ZNF160: variants seen among roughly 807,000 people sequenced by gnomAD.
ZNF160 encodes the protein zinc finger protein 160.
In ZNF160, 9 loss-of-function variants were observed where a neutral mutation model predicts 13.1. The observed-to-expected ratio is 0.69, with a 90% CI of 0.41 to 1.20. ZNF160 has a LOEUF of 1.20. Among genes scored for constraint, ZNF160 ranks in the 50% most tolerant of loss-of-function variants. The pLI is 0.01. For missense variants in ZNF160, 838 were observed against 988.0 expected (o/e 0.85, Z 2.04); for synonymous variants, 293 against 333.2 (o/e 0.88, Z 1.31).
chr19:53,067,771 C>T lies in ZNF160; in HGVS notation c.*306G>A, dbSNP rs1003476964. 3.5e-6 allele frequency: 1 copy of T among 282,574 alleles called. No homozygotes were observed. The highest frequency in any genetic ancestry group is 2.2e-5 in the African/African-American group (1 of 46,006). The allele number at this position is 282,574 out of a possible 1,614,324, so 17.5% of individuals were successfully genotyped here. A position where few individuals can be genotyped will look rare whatever the true frequency, so the allele number is the denominator to read the frequency against. On this transcript the variant is annotated 3_prime_UTR_variant, in exon 6 of 6. Coordinates refer to ENST00000683776, the MANE Select transcript of ZNF160 (RefSeq NM_001322131.2). ...TAATATCAAAGGCAAACAGGGAAAC[C>T]AGAGACTGTTATTCCTCCTAGGAAT...
intron 3 of ZNF160, chr19:53,075,970 G>GA (rs2084373210): frequency 3.4e-6 from 1 of 291,416 alleles, no homozygotes; most frequent in Non-Finnish European, 7.0e-6. Flanking sequence ...AATCAAATAT[G>GA]AGAACACCCA....
chr19:53,073,364 A>G (rs753731058), intron 5 of ZNF160: 34 of 1,598,142 alleles, frequency 2.1e-5, no homozygotes, highest in Non-Finnish European at 2.9e-5. Flanking sequence ...CTCGCTTATC[A>G]CACACCCCCA....
At chr19:53,098,752 G>T (rs1018639177) in intron 1 of ZNF160, among the ~76,000 whole-genome samples, 2 of 151,460 alleles carry the variant, frequency 1.3e-5, no homozygotes, top group Non-Finnish European at 2.9e-5. Context: ...CCTGCTGGAA[G>T]GCAAAGCCCC....
rs779613071 is a variant in ZNF160, at chr19:53,068,873, C to T, written c.1661G>A (p.Ser554Asn). ...KSFTQKSHLRSHRGIHSGEKP... is the reference protein window; with the variant it reads ...KSFTQKSHLRNHRGIHSGEKP... The stretch of plus-strand genomic sequence containing the variant: ...CTCTCCAGAATGAATTCCCCGATGA[C>T]TTCTAAGGTGTGATTTTTGAGTGAA... Residue 554 changes from serine (S) to asparagine (N), a missense_variant, in exon 6 of 6, where the codon AGT becomes AAT. By Grantham distance (46) the Ser-to-Asn change is conservative (BLOSUM62 1). Around this residue, in one of 3 missense-constraint regions of ZNF160, gnomAD observed 400 missense variants for 538.9 expected, o/e 0.74. Transcript: ENST00000683776. The T allele has an allele frequency of 4.3e-6, 7 of 1,613,880 alleles. No homozygotes were observed. In the South Asian group the frequency reaches 4.4e-5, roughly 10 times the overall value.
intron 5 of ZNF160, among the ~76,000 whole-genome samples, chr19:53,072,167 T>C (rs1300156706): frequency 1.3e-5 from 2 of 151,720 alleles, no homozygotes; most frequent in Non-Finnish European, 2.9e-5. Flanking sequence ...AGTGCTGCGA[T>C]CTTGGCTTGC....
chr19:53,102,556 C>T (rs1456490028), intron 1 of ZNF160, among the ~76,000 whole-genome samples: 1 of 152,210 alleles, frequency 6.6e-6, no homozygotes, highest in Non-Finnish European at 1.5e-5. Flanking sequence ...TCTGCCCCTG[C>T]TACTTTCTTG....
chr19:53,089,405 T>C, intron 2 of ZNF160, among the ~76,000 whole-genome samples: 1 of 152,306 alleles, frequency 6.6e-6, no homozygotes, highest in Middle Eastern at 3.4e-3. Flanking sequence ...ATATTGACTA[T>C]AATCAGCATC....
At chr19:53,089,850 GCTC>G (rs1236376406) in intron 2 of ZNF160, among the ~76,000 whole-genome samples, 5 of 149,982 alleles carry the variant, frequency 3.3e-5, no homozygotes, top group East Asian at 4.0e-4. Flanking sequence ...CCAGGTTTCT[GCTC>G]CTCATTTTGA....
intron 5 of ZNF160, chr19:53,072,833 A>G: frequency 1.8e-6 from 1 of 565,644 alleles, no homozygotes; most frequent in Non-Finnish European, 2.2e-6. Context: ...CCTGGGCAAC[A>G]AGAGCGAAAC....
At chr19:53,095,489 G>A (rs1248657647) in intron 1 of ZNF160, 2 of 151,900 alleles carry the variant, frequency 1.3e-5, no homozygotes, top group Non-Finnish European at 2.9e-5. Context: ...CAGCGTTTCC[G>A]CGGGAAACTC....
chr19:53,082,425 T>C (rs2084667937), intron 3 of ZNF160, among the ~76,000 whole-genome samples: 1 of 152,182 alleles, frequency 6.6e-6, no homozygotes, highest in Non-Finnish European at 1.5e-5. Context: ...CTCATGCCTA[T>C]AATCCCAGCA....
In ZNF160 at chr19:53,069,573, C is replaced by A; in HGVS notation, c.961G>T (p.Val321Phe). 1 of 1,614,130 alleles carries A rather than the reference C, an allele frequency of 6.2e-7. No individual in the cohort carries two copies. The highest frequency in any genetic ancestry group is 1.1e-5 in the South Asian group (1 of 91,080). Residue 321 changes from valine (V) to phenylalanine (F), a missense_variant, in exon 6 of 6, where the codon GTC becomes TTC. Physicochemically the swap from Val to Phe is conservative, Grantham distance 50. Coordinates refer to ENST00000683776, the MANE Select transcript of ZNF160 (RefSeq NM_001322131.2). The surrounding 1 kb of genome is among the most constrained non-coding windows in gnomAD (Gnocchi z 4.4). ...KPYKCHECGK[V>F]FRHNSYLATH... ...GCAAGGTATGAATTGTGCCTGAAGA[C>A]CTTGCCACACTCATGACATTTGTAA... is the stretch of plus-strand genomic sequence containing the variant.
At chr19:53,070,515 A>T (rs1017215067) in intron 5 of ZNF160, among the ~76,000 whole-genome samples, 2 of 151,562 alleles carry the variant, frequency 1.3e-5, no homozygotes, top group African/African-American at 4.9e-5. Flanking sequence ...GGTTCACACC[A>T]TTCTCCCGCC....
At position 53,070,165 on chromosome 19, in the gene ZNF160, G is replaced by T; in HGVS notation, c.369C>A (p.Ser123Arg). The change falls in exon 6 of 6, where the codon AGC (serine) becomes AGA (arginine). Residue 123 changes from serine (S) to arginine (R), a missense_variant. Around this residue, in one of 3 missense-constraint regions of ZNF160, gnomAD observed 387 missense variants for 402.3 expected, o/e 0.96. Transcript: ENST00000683776. The stretch of plus-strand genomic sequence containing the variant: ...TGAAGGAAAAGTCTTCAATGTCAGG[G>T]CTTTCGTGTCTTTCCAACACCACTG... ...FHTVVLERHE[S>R]PDIEDFSFKE... 1 of 1,614,024 alleles carries T rather than the reference G, an allele frequency of 6.2e-7. No homozygotes were observed. The highest frequency in any genetic ancestry group is 8.5e-7 in the Non-Finnish European group (1 of 1,180,028).
intron 3 of ZNF160, 46 bp downstream of exon 3, chr19:53,086,216 T>C (rs754613653): frequency 3.9e-6 from 6 of 1,556,622 alleles, no homozygotes; most frequent in Non-Finnish European, 5.2e-6. Flanking sequence ...ATGCCAGGCA[T>C]TTCAGGAAGA....
chr19:53,096,213 C>T (rs961548395), intron 1 of ZNF160, among the ~76,000 whole-genome samples: 17 of 152,264 alleles, frequency 1.1e-4, no homozygotes, highest in East Asian at 3.9e-4. Flanking sequence ...AACGAGACTC[C>T]GTCTCAAAAT....
chr19:53,074,369 C>A, intron 4 of ZNF160, 101 bp from the exon 5 acceptor site: 2 of 1,507,386 alleles, frequency 1.3e-6, no homozygotes, highest in East Asian at 2.3e-5. Context: ...AAGAAAACTT[C>A]AAAAATTCAT....
chr19:53,101,430 A>ATATG (rs2085443128), intron 1 of ZNF160, among the ~76,000 whole-genome samples: 1 of 150,162 alleles, frequency 6.7e-6, no homozygotes, highest in Non-Finnish European at 1.5e-5. Context: ...GAAAATATAT[A>ATATG]TATTATTTAA....
intron 3 of ZNF160, among the ~76,000 whole-genome samples, chr19:53,076,401 AGGCC>A (rs562407064): frequency 6.0e-4 from 91 of 152,298 alleles, no homozygotes; most frequent in South Asian, 1.9e-3. Context: ...GCACTTTGAA[AGGCC>A]GAGGCGGGTG....
Sources: gnomAD v4.1 joint callset for allele counts (sites outside exome capture counted in the v4.1 genomes callset) on GRCh38, gnomAD v4.1.1 for gene constraint, gnomAD v4.1.1 regional missense constraint, Gnocchi (gnomAD v3.1) non-coding constraint, MANE v1.5 for transcripts, NCBI Gene and HGNC (gene_info 2026-07-23, HGNC 2026-07-21) for gene names.